Variants in ERAP2 observed in about 807,000 individuals in gnomAD.
ERAP2 encodes endoplasmic reticulum aminopeptidase 2, also known as leukocyte-derived arginine aminopeptidase.
ERAP2 carries 118 observed loss-of-function variants against 111.1 expected under a neutral mutation model. The ratio of observed to expected loss-of-function variants is 1.06; its 90% CI spans 0.92 to 1.24. ERAP2 has a LOEUF of 1.24. ERAP2 is among the 50% of genes most tolerant of loss of function. The pLI is 0.00. For synonymous variants in ERAP2, 410 were observed against 401.2 expected (o/e 1.02, Z -0.26); for missense variants, 1,131 against 1,125.8 (o/e 1.00, Z -0.07).
intron 9 of ERAP2, 66 bp from the exon 10 acceptor site, chr5:96,900,055 C>G: frequency 6.3e-7 from 1 of 1,576,622 alleles, no homozygotes; most frequent in Non-Finnish European, 8.7e-7. Context: ...GCATCCATGG[C>G]TAATGTGCAC....
chr5:96,891,371 G>A (rs75487191), intron 5 of ERAP2, among the ~76,000 whole-genome samples: 6,955 of 89,166 alleles, frequency 0.078, 562 homozygotes, highest in African/African-American at 0.23. Flanking sequence ...ATATATATGT[G>A]TATATATATA....
At chr5:96,885,112 T>C (rs1286510643) in intron 3 of ERAP2, among the ~76,000 whole-genome samples, 7 of 152,182 alleles carry the variant, frequency 4.6e-5, no homozygotes, top group Non-Finnish European at 7.3e-5. Flanking sequence ...GGATAAACCA[T>C]AGCAAACGCC....
At chr5:96,914,774 T>C (rs1787190665) in intron 17 of ERAP2, among the ~76,000 whole-genome samples, 2 of 152,186 alleles carry the variant, frequency 1.3e-5, no homozygotes, top group Admixed American at 1.3e-4. Context: ...CAAGTAACAT[T>C]GCCCCACTAA....
In ERAP2 at chr5:96,883,917, C is replaced by A; in HGVS notation, c.701C>A (p.Ser234Tyr). The change falls in exon 3 of 19, where the codon TCC (serine) becomes TAC (tyrosine). Residue 234 changes from serine (S) to tyrosine (Y), a missense_variant. Around this residue, in one of 3 missense-constraint regions of ERAP2, gnomAD observed 847 missense variants for 856.5 expected, o/e 0.99. Transcript: ENST00000437043. The part of the protein sequence containing the change: ...IRRESRHIAL[S>Y]NMPKVKTIEL... ...AGAGAGAGCAGGCATATTGCACTAT[C>A]CAACATGCCAAAGGTATGTCCACTT... 1 of 1,605,978 alleles carries A rather than the reference C, an allele frequency of 6.2e-7. No homozygotes were observed. The highest frequency in any genetic ancestry group is 8.5e-7 in the Non-Finnish European group (1 of 1,177,074).
chr5:96,912,601 A>G (rs761798740), intron 15 of ERAP2, 36 bp from the exon 16 acceptor site: 2 of 1,561,592 alleles, frequency 1.3e-6, no homozygotes, highest in South Asian at 2.4e-5. Context: ...TTTCTTTCAT[A>G]AAACTTTTTC....
chr5:96,888,321 T>C (rs1362190225), intron 4 of ERAP2, among the ~76,000 whole-genome samples: 1 of 152,144 alleles, frequency 6.6e-6, no homozygotes, highest in Non-Finnish European at 1.5e-5. Flanking sequence ...AGGAGGTGAA[T>C]GGCACTTCAG....
chr5:96,894,177 T>G (rs914133937), intron 6 of ERAP2, among the ~76,000 whole-genome samples: 29 of 152,220 alleles, frequency 1.9e-4, no homozygotes, highest in African/African-American at 6.8e-4. Flanking sequence ...CGCAGTAGGT[T>G]CTCCGTAGGT....
intron 3 of ERAP2, among the ~76,000 whole-genome samples, chr5:96,885,735 G>A (rs1296247599): frequency 6.9e-6 from 1 of 144,888 alleles, no homozygotes; most frequent in East Asian, 1.9e-4. Flanking sequence ...GTTGTGACTA[G>A]CTTGAAGAAA....
In ERAP2 at chr5:96,883,893, G is replaced by A; in HGVS notation, c.677G>A (p.Arg226Lys). Residue 226 changes from arginine (R) to lysine (K), a missense_variant, in exon 3 of 19, where the codon AGA becomes AAA. Transcript: ENST00000437043. Reference sequence around the variant, plus strand: ...GCCAACTTTTCAATCAAGATACGAAGAGAGAGCAGGCATATTGCACTATCC... The same window carrying A: ...GCCAACTTTTCAATCAAGATACGAAAAGAGAGCAGGCATATTGCACTATCC... ...FKANFSIKIR[R>K]ESRHIALSNM... The A allele has an allele frequency of 6.2e-7, 1 of 1,613,658 alleles. No individual in the cohort carries two copies. The highest frequency in any genetic ancestry group is 8.5e-7 in the Non-Finnish European group (1 of 1,179,798).
chr5:96,908,008 G>A (rs779077433), intron 13 of ERAP2, among the ~76,000 whole-genome samples: 8 of 152,124 alleles, frequency 5.3e-5, no homozygotes, highest in Admixed American at 1.3e-4. Flanking sequence ...GCAAGTCATC[G>A]TGATTGAGAA....
intron 6 of ERAP2, among the ~76,000 whole-genome samples, chr5:96,894,702 G>GT (rs1245070081): frequency 6.6e-6 from 1 of 152,030 alleles, no homozygotes; most frequent in Non-Finnish European, 1.5e-5. Context: ...GCCCACTGAA[G>GT]TAAGTCAGGG....
chr5:96,897,411 C>G (rs1004349609), intron 9 of ERAP2, among the ~76,000 whole-genome samples: 1 of 152,194 alleles, frequency 6.6e-6, no homozygotes, highest in Admixed American at 6.5e-5. Flanking sequence ...ACTGTTCCAG[C>G]CCTCATTCGT....
intron 13 of ERAP2, among the ~76,000 whole-genome samples, chr5:96,905,833 G>T (rs1167820010): frequency 6.6e-6 from 1 of 152,086 alleles, no homozygotes; most frequent in Non-Finnish European, 1.5e-5. Flanking sequence ...CTGAACTCCA[G>T]CCTGGGTGAC....
intron 13 of ERAP2, among the ~76,000 whole-genome samples, chr5:96,906,498 G>A (rs1453541691): frequency 6.6e-6 from 1 of 152,132 alleles, no homozygotes; most frequent in Non-Finnish European, 1.5e-5. Flanking sequence ...AAACTTCTGG[G>A]CTCAAGCAAT....
intron 5 of ERAP2, among the ~76,000 whole-genome samples, chr5:96,890,447 G>T (rs969750691): frequency 3.3e-5 from 5 of 152,310 alleles, no homozygotes; most frequent in African/African-American, 1.2e-4. Context: ...CTGCCATGCA[G>T]CCCAGTTTCT....
At position 96,880,112 on chromosome 5, in the gene ERAP2, C is replaced by T; in HGVS notation, c.427C>T (p.Pro143Ser). The stretch of plus-strand genomic sequence containing the variant: ...AAAAGAACTGAAAGTTTTGAGTTAC[C>T]CTGCTCATGAACAAATTGCACTGCT... Reference protein sequence around the residue: ...PGKELKVLSYPAHEQIALLVP... With the variant: ...PGKELKVLSYSAHEQIALLVP... Residue 143 changes from proline (P) to serine (S), a missense_variant, in exon 2 of 19, where the codon CCT (proline) becomes TCT (serine). Physicochemically the swap from Pro to Ser is moderately conservative, Grantham distance 74. This residue lies in a region of ERAP2 where 847 missense variants were observed against 856.5 expected (regional missense o/e 0.99). Transcript: ENST00000437043. 1.9e-6 allele frequency: 3 copies of T among 1,614,098 alleles called. No homozygotes were observed. The highest frequency in any genetic ancestry group is 1.7e-6 in the Non-Finnish European group (2 of 1,179,996).
chr5:96,899,133 C>T (rs1248975002), intron 9 of ERAP2, among the ~76,000 whole-genome samples: 4 of 152,146 alleles, frequency 2.6e-5, no homozygotes, highest in African/African-American at 9.7e-5. Flanking sequence ...ATAAAGTAAT[C>T]ATCATTACTC....
At chr5:96,909,183 G>T (rs1786435178) in intron 14 of ERAP2, 66 bp downstream of exon 14, 13 of 1,530,738 alleles carry the variant, frequency 8.5e-6, no homozygotes, top group Non-Finnish European at 1.2e-5. Context: ...GTCAGGCTCA[G>T]TTTGTTTTGT....
chr5:96,914,161 C>T (rs1163683983), intron 17 of ERAP2, among the ~76,000 whole-genome samples: 1 of 152,116 alleles, frequency 6.6e-6, no homozygotes, highest in East Asian at 1.9e-4. Flanking sequence ...CACACACACA[C>T]ACACACAATC....
Sources: allele counts gnomAD v4.1 joint callset (sites outside exome capture counted in the v4.1 genomes callset), GRCh38; gene constraint gnomAD v4.1.1; regional missense constraint gnomAD v4.1.1; transcripts MANE v1.5; gene names NCBI Gene and HGNC (gene_info 2026-07-23, HGNC 2026-07-21).